Variants in CELF2 observed in about 807,000 individuals in gnomAD.
The protein encoded by CELF2 is CUGBP Elav-like family member 2.
In CELF2, 8 loss-of-function variants were observed where a neutral mutation model predicts 62.6. The ratio of observed to expected loss-of-function variants is 0.13; its 90% CI spans 0.07 to 0.23. CELF2 has a LOEUF of 0.23. Ranked by LOEUF, CELF2 falls within the 10% of genes least tolerant of loss-of-function variation. CELF2 has a pLI of 1.00. For synonymous variants in CELF2, 258 were observed against 250.0 expected (o/e 1.03, Z -0.30); for missense variants, 333 against 671.0 (o/e 0.50, Z 5.56).
chr10:10,701,654 C>T, the CELF2 span, among the ~76,000 whole-genome samples: 5 of 152,200 alleles, frequency 3.3e-5, no homozygotes, highest in Non-Finnish European at 7.3e-5. Flanking sequence ...TCAAATGCCT[C>T]TGTATGTTTG....
At chr10:10,772,636 A>C in the CELF2 span, among the ~76,000 whole-genome samples, 1 of 152,254 alleles carries the variant, frequency 6.6e-6, no homozygotes, top group African/African-American at 2.4e-5. Context: ...AGAAAGCTCT[A>C]TCAACAGCCA....
intron 1 of CELF2, among the ~76,000 whole-genome samples, chr10:10,905,844 C>T (rs2063296371): frequency 6.6e-6 from 1 of 150,512 alleles, no homozygotes; most frequent in Non-Finnish European, 1.5e-5. Flanking sequence ...TGCCACTGCA[C>T]TCCAGCCTGG....
intron 1 of CELF2, among the ~76,000 whole-genome samples, chr10:10,919,611 G>A (rs144536303): frequency 5.9e-5 from 9 of 152,256 alleles, no homozygotes; most frequent in South Asian, 4.2e-4. Flanking sequence ...TTGGTGCTTC[G>A]TTTAACATGT....
chr10:11,278,431 C>G (rs186288477), intron 8 of CELF2, among the ~76,000 whole-genome samples: 1 of 152,114 alleles, frequency 6.6e-6, no homozygotes, highest in African/African-American at 2.4e-5. Context: ...TCTCTCTCAG[C>G]GGTGATATTT....
chr10:11,270,703 C>T lies in CELF2; in HGVS notation c.656C>T (p.Thr219Ile). 6.4e-7 allele frequency: 1 copy of T among 1,551,424 alleles called. No homozygotes were observed. The highest frequency in any genetic ancestry group is 8.7e-7 in the Non-Finnish European group (1 of 1,145,220). ...CCTATCGTGGTGAAGTTTGCTGACA[C>T]TCAGAAGGACAAAGAGCAAAGGCGC... ...SSPIVVKFAD[T>I]QKDKEQRRLQ... The change falls in exon 7 of 13, where the codon ACT becomes ATT. Residue 219 changes from threonine to isoleucine, a missense_variant. Physicochemically the swap from Thr to Ile is moderately conservative, Grantham distance 89. Around this residue, in one of 3 missense-constraint regions of CELF2, gnomAD observed 253 missense variants for 503.0 expected, o/e 0.50. Coordinates refer to ENST00000633077, the MANE Select transcript of CELF2 (RefSeq NM_001326342.2). The surrounding 1 kb of genome is among the most constrained non-coding windows in gnomAD (Gnocchi z 5.8).
intron 10 of CELF2, among the ~76,000 whole-genome samples, chr10:11,320,517 G>T (rs1380092360): frequency 2.0e-5 from 3 of 152,198 alleles, no homozygotes; most frequent in Non-Finnish European, 2.9e-5. Context: ...CTGTGGGAAG[G>T]GTCCACATGG....
chr10:11,168,932 G>A lies in CELF2; in HGVS notation c.271+3250G>A, dbSNP rs563742340. The A allele has an allele frequency of 2.0e-5, 3 of 152,398 alleles. No individual in the cohort carries two copies. In the South Asian group the frequency reaches 6.2e-4, roughly 32 times the overall value. 9.4% of individuals were successfully genotyped at this position (152,398 alleles called of 1,614,324 possible). A position where few individuals can be genotyped will look rare whatever the true frequency, so the allele number is the denominator to read the frequency against. On this transcript the variant is annotated intron_variant, in intron 2 of 12. Coordinates refer to ENST00000633077, the MANE Select transcript of CELF2 (RefSeq NM_001326342.2). ...TCTCCCACATGAGGACTTTGGAAAA[G>A]TGTGTTTTATTCAGGGTTCATCTGT...
At chr10:10,748,720 C>G in the CELF2 span, among the ~76,000 whole-genome samples, 1 of 141,650 alleles carries the variant, frequency 7.1e-6, no homozygotes, top group Non-Finnish European at 1.5e-5. Context: ...TACACTCCAT[C>G]CTGGGTGACA....
intron 1 of CELF2, among the ~76,000 whole-genome samples, chr10:10,896,068 C>T (rs901384831): frequency 1.5e-4 from 23 of 152,112 alleles, no homozygotes; most frequent in African/African-American, 5.3e-4. Flanking sequence ...TGTAGAAAGT[C>T]CCCCTTTAGT....
the CELF2 span, among the ~76,000 whole-genome samples, chr10:10,565,873 A>G: frequency 6.6e-6 from 1 of 152,202 alleles, no homozygotes; most frequent in Non-Finnish European, 1.5e-5. Context: ...ATGATGTATG[A>G]TACCTTTAAT....
chr10:10,506,720 A>G, the CELF2 span, among the ~76,000 whole-genome samples: 2 of 104,614 alleles, frequency 1.9e-5, no homozygotes, highest in Non-Finnish European at 3.5e-5. Flanking sequence ...TCTGTTGTCC[A>G]GGCTGGAGTG....
chr10:10,610,979 G>C, the CELF2 span, among the ~76,000 whole-genome samples: 1 of 152,194 alleles, frequency 6.6e-6, no homozygotes. Flanking sequence ...ACTACTTTCT[G>C]TCTTTTAGGA....
At chr10:10,939,442 C>A (rs551725948) in intron 2 of CELF2, among the ~76,000 whole-genome samples, 2 of 151,968 alleles carry the variant, frequency 1.3e-5, no homozygotes, top group Non-Finnish European at 2.9e-5. Flanking sequence ...TAAGCCACCA[C>A]GCCATGATAA....
the CELF2 span, among the ~76,000 whole-genome samples, chr10:10,763,949 T>C: frequency 6.6e-6 from 1 of 152,228 alleles, no homozygotes; most frequent in Admixed American, 6.5e-5. Context: ...CTAATGGATA[T>C]GGTATTGTAG....
chr10:10,966,322 G>A (rs552353739), intron 2 of CELF2, among the ~76,000 whole-genome samples: 1 of 152,354 alleles, frequency 6.6e-6, no homozygotes, highest in Admixed American at 6.5e-5. Flanking sequence ...CTGGGTCAAT[G>A]AGTGTGGTAC....
intron 12 of CELF2, among the ~76,000 whole-genome samples, chr10:11,327,110 G>A (rs1186131179): frequency 6.6e-6 from 1 of 151,650 alleles, no homozygotes; most frequent in African/African-American, 2.4e-5. Flanking sequence ...GCTGTCAGTC[G>A]GGACCCATTC....
intron 1 of CELF2, among the ~76,000 whole-genome samples, chr10:11,152,183 A>G (rs1362879694): frequency 6.6e-6 from 1 of 152,206 alleles, no homozygotes; most frequent in Non-Finnish European, 1.5e-5. Context: ...GGTGCAGCCA[A>G]TAGAGTTGCC....
the CELF2 span, among the ~76,000 whole-genome samples, chr10:10,494,769 T>C: frequency 2.0e-5 from 3 of 152,120 alleles, no homozygotes; most frequent in Non-Finnish European, 4.4e-5. Flanking sequence ...AAGGCCTCTA[T>C]AAAAAATAAT....
rs189775407 is a variant in CELF2, at chr10:11,300,349, T to C, written c.976+11797T>C. Among the ~76,000 whole-genome samples, 301 of 152,264 alleles carry C rather than the reference T, an allele frequency of 2.0e-3. 3 individuals carry two copies. Among genetic ancestry groups the C allele is most frequent in the African/African-American group, 6.3e-3 (262 of 41,544 alleles). On this transcript the variant is annotated intron_variant, in intron 9 of 12. Coordinates refer to ENST00000633077, the MANE Select transcript of CELF2 (RefSeq NM_001326342.2). This position sits in a 1 kb window ranked among gnomAD's most constrained non-coding sequence, Gnocchi z 5.5. ...TCTTCCCAGTCTTCCTGAGAACCAGTAGTGATGACTCTTGCCCAGCACTGC... is the reference window on the plus strand; with the variant it reads ...TCTTCCCAGTCTTCCTGAGAACCAGCAGTGATGACTCTTGCCCAGCACTGC...
Sources: gnomAD v4.1 joint callset for allele counts (sites outside exome capture counted in the v4.1 genomes callset) on GRCh38, gnomAD v4.1.1 for gene constraint, gnomAD v4.1.1 regional missense constraint, Gnocchi (gnomAD v3.1) non-coding constraint, MANE v1.5 for transcripts, NCBI Gene and HGNC (gene_info 2026-07-23, HGNC 2026-07-21) for gene names.